Variants in BICRAL observed in about 807,000 individuals in gnomAD.
The protein encoded by BICRAL is BRD4-interacting chromatin-remodeling complex-associated protein-like.
In BICRAL, 8 loss-of-function variants were observed where a neutral mutation model predicts 91.8. That is an observed-to-expected ratio of 0.09 (90% CI 0.05 to 0.16). The LOEUF (loss-of-function observed/expected upper bound fraction) is 0.16, where lower values mean the gene tolerates loss of function less well. Among genes scored for constraint, BICRAL ranks in the 10% least tolerant of loss-of-function variants. The probability of loss-of-function intolerance (pLI) is 1.00; values close to 1 mark genes in which losing one functional copy is unlikely to be tolerated. For missense variants in BICRAL, 1,038 were observed against 1,310.9 expected (o/e 0.79, Z 3.21); for synonymous variants, 445 against 491.1 (o/e 0.91, Z 1.24).
intron 1 of BICRAL, among the ~76,000 whole-genome samples, chr6:42,767,428 G>A (rs1298718184): frequency 6.6e-6 from 1 of 152,154 alleles, no homozygotes; most frequent in African/African-American, 2.4e-5. Context: ...TAACTCTGCT[G>A]TCTCAGCTCT....
chr6:42,784,048 AG>A (rs1302006172), intron 1 of BICRAL, among the ~76,000 whole-genome samples: 1 of 152,172 alleles, frequency 6.6e-6, no homozygotes, highest in East Asian at 1.9e-4. Flanking sequence ...TTCGTTTCTT[AG>A]TTTTACTCTA....
chr6:42,765,842 A>G (rs1183868643), intron 1 of BICRAL, among the ~76,000 whole-genome samples: 2 of 152,146 alleles, frequency 1.3e-5, no homozygotes, highest in Admixed American at 1.3e-4. Flanking sequence ...ATTTGAGGCA[A>G]TATATAATGA....
In BICRAL at chr6:42,829,518, C is replaced by T. The variant is rs368677077; in HGVS notation, c.1185C>T (p.His395=). The part of the protein sequence containing the change: ...IVIHSPMGQP[H]APQSQFLIPT... Reference sequence around the variant, plus strand: ...TTCATTCCCCCATGGGCCAACCTCACGCACCCCAAAGTCAGTTCCTTATAC... The same window carrying T: ...TTCATTCCCCCATGGGCCAACCTCATGCACCCCAAAGTCAGTTCCTTATAC... Residue 395 remains histidine (H), a synonymous_variant, in exon 6 of 13, where the codon CAC becomes CAT. Coordinates refer to ENST00000314073, the MANE Select transcript of BICRAL (RefSeq NM_001393499.1). 4.9e-5 allele frequency: 79 copies of T among 1,614,132 alleles called. No homozygotes were observed. The highest frequency in any genetic ancestry group is 3.3e-4 in the African/African-American group (25 of 75,056).
In BICRAL at chr6:42,852,213, A is replaced by C; in HGVS notation, c.1945+16A>C. On this transcript the variant is annotated intron_variant, in intron 7 of 12. Coordinates refer to ENST00000314073, the MANE Select transcript of BICRAL (RefSeq NM_001393499.1). The stretch of plus-strand genomic sequence containing the variant: ...ACACTGCCAGGTCAGGAGCTTCCTC[A>C]GTTTGTCCCTGTCCTCCCAACACCA... 6.8e-7 allele frequency: 1 copy of C among 1,479,276 alleles called. No homozygotes were observed. 91.6% of individuals were successfully genotyped at this position (1,479,276 alleles called of 1,614,324 possible).
At chr6:42,823,074 T>C (rs896447221) in intron 5 of BICRAL, 71 bp downstream of exon 5, 54 of 853,998 alleles carry the variant, frequency 6.3e-5, no homozygotes, top group Non-Finnish European at 8.5e-5. Flanking sequence ...ACTGAGCCTT[T>C]AACTGCCTTT....
At chr6:42,824,455 C>G (rs1764230977) in intron 5 of BICRAL, among the ~76,000 whole-genome samples, 3 of 152,070 alleles carry the variant, frequency 2.0e-5, no homozygotes, top group Non-Finnish European at 4.4e-5. Context: ...AGCAATTCTC[C>G]TGCCTCAGCT....
chr6:42,865,190 G>A lies in BICRAL; in HGVS notation c.2984G>A (p.Gly995Asp). The A allele has an allele frequency of 6.2e-7, 1 of 1,614,148 alleles. No individual in the cohort carries two copies. Among genetic ancestry groups the A allele is most frequent in the Middle Eastern group, 1.6e-4 (1 of 6,062 alleles). ...VLHTDIMKGS[G>D]EPQPDLQLTK... is the part of the protein sequence containing the mutation. ...CACACAGACATCATGAAAGGGTCAG[G>A]CGAACCCCAGCCAGATCTCCAGCTG... Residue 995 changes from glycine (G) to aspartate (D), a missense_variant, in exon 13 of 13, where the codon GGC becomes GAC. Transcript: ENST00000314073.
chr6:42,828,006 A>C (rs1005365888), intron 5 of BICRAL, among the ~76,000 whole-genome samples: 8 of 152,218 alleles, frequency 5.3e-5, no homozygotes, highest in Non-Finnish European at 8.8e-5. Context: ...AGCATGATGG[A>C]TGCATATACT....
intron 6 of BICRAL, among the ~76,000 whole-genome samples, chr6:42,832,578 C>T (rs1012075369): frequency 3.5e-5 from 5 of 142,678 alleles, no homozygotes; most frequent in African/African-American, 5.2e-5. Context: ...ATCAAAGGGG[C>T]GTGTGTGTGT....
chr6:42,820,382 T>C (rs1764104615), intron 2 of BICRAL, among the ~76,000 whole-genome samples: 1 of 152,224 alleles, frequency 6.6e-6, no homozygotes, highest in East Asian at 1.9e-4. Context: ...ATAGGCTTAA[T>C]GTATGTCATA....
chr6:42,783,398 C>G (rs1457082100), intron 1 of BICRAL, among the ~76,000 whole-genome samples: 2 of 152,194 alleles, frequency 1.3e-5, no homozygotes, highest in Admixed American at 6.5e-5. Context: ...GTTCGCGCCC[C>G]CCCGAGTCGC....
At chr6:42,748,056 G>A (rs1032251485) in intron 1 of BICRAL, among the ~76,000 whole-genome samples, 1 of 150,656 alleles carries the variant, frequency 6.6e-6, no homozygotes, top group Non-Finnish European at 1.5e-5. Context: ...CGCCCGCCTC[G>A]GCCTCCCATA....
At position 42,807,270 on chromosome 6, in the gene BICRAL, G is replaced by C. The variant is rs190428407; in HGVS notation, c.-101-3036G>C. ...TTGATCTAGGCTCACTGCAAGCTCC[G>C]CCTTCCGGGTTCATGCCATTCTCCT... is the stretch of plus-strand genomic sequence containing the variant. On this transcript the variant is annotated intron_variant, in intron 1 of 12. Coordinates refer to ENST00000314073, the MANE Select transcript of BICRAL (RefSeq NM_001393499.1). 5.5e-3 allele frequency among the ~76,000 whole-genome samples: 835 copies of C among 151,922 alleles called. 3 individuals are homozygous for C. Among genetic ancestry groups the C allele is most frequent in the African/African-American group, 0.017 (722 of 41,436 alleles).
chr6:42,839,605 C>G (rs1764729756), intron 6 of BICRAL, among the ~76,000 whole-genome samples: 1 of 152,098 alleles, frequency 6.6e-6, no homozygotes, highest in African/African-American at 2.4e-5. Context: ...TTGCCCCTGC[C>G]TGGTATGATT....
rs372362992 is a variant in BICRAL at position 42,864,727 on chromosome 6, C to T, written c.2521C>T (p.Arg841Trp). The T allele has an allele frequency of 4.8e-5, 77 of 1,613,968 alleles. No individual in the cohort carries two copies. The highest frequency in any genetic ancestry group is 1.6e-4 in the African/African-American group (12 of 74,892). The change falls in exon 13 of 13, where the codon CGG becomes TGG. Residue 841 changes from arginine to tryptophan, a missense_variant. This residue lies in a region of BICRAL where 294 missense variants were observed against 292.6 expected (regional missense o/e 1.00). Transcript: ENST00000314073. Reference sequence around the variant, plus strand: ...AGCTGCTCATGAGACACAGTTTGGCCGGAGTGACCAGCATGGCAGTAAAGC... The same window carrying T: ...AGCTGCTCATGAGACACAGTTTGGCTGGAGTGACCAGCATGGCAGTAAAGC... ...DKAAHETQFGRSDQHGSKASS... is the reference protein window; with the variant it reads ...DKAAHETQFGWSDQHGSKASS...
chr6:42,822,720 T>C (rs1183709420), intron 3 of BICRAL, 76 bp from the exon 4 acceptor site: 2 of 751,212 alleles, frequency 2.7e-6, no homozygotes, highest in African/African-American at 1.8e-5. Context: ...TTCTTTCTAC[T>C]CTAGTAAAAA....
chr6:42,852,486 AC>A (rs1765218868), intron 7 of BICRAL: 1 of 509,570 alleles, frequency 2.0e-6, no homozygotes, highest in Non-Finnish European at 3.8e-6. Flanking sequence ...ACATGATGAA[AC>A]CCCATCTCTA....
chr6:42,825,691 C>G (rs937622922), intron 5 of BICRAL, among the ~76,000 whole-genome samples: 5 of 151,998 alleles, frequency 3.3e-5, no homozygotes, highest in African/African-American at 4.8e-5. Context: ...CCACTGCACT[C>G]CAGCCTAGGT....
chr6:42,857,307 C>T lies in BICRAL; in HGVS notation c.2254+71C>T, dbSNP rs1278657077. ...CCTCCATGGACACCCCCCAGAAAAGCAAGAGCCACATCACCCCCAGATGGT... is the reference window on the plus strand; with the variant it reads ...CCTCCATGGACACCCCCCAGAAAAGTAAGAGCCACATCACCCCCAGATGGT... On this transcript the variant is annotated intron_variant, in intron 10 of 12. Coordinates refer to ENST00000314073, the MANE Select transcript of BICRAL (RefSeq NM_001393499.1). 4.0e-6 allele frequency: 5 copies of T among 1,261,024 alleles called. No individual in the cohort carries two copies. The East Asian group carries it at 9.4e-5, about 24-fold the overall frequency. The allele number at this position is 1,261,024 out of a possible 1,614,324, so 78.1% of individuals were successfully genotyped here.
Sources: gnomAD v4.1 joint callset for allele counts (sites outside exome capture counted in the v4.1 genomes callset) on GRCh38, gnomAD v4.1.1 for gene constraint, gnomAD v4.1.1 regional missense constraint, MANE v1.5 for transcripts, NCBI Gene and HGNC (gene_info 2026-07-23, HGNC 2026-07-21) for gene names.